Variants in TGM2 observed in about 807,000 individuals in gnomAD.
TGM2 encodes the protein protein-glutamine gamma-glutamyltransferase 2.
TGM2 carries 53 observed loss-of-function variants against 75.6 expected under a neutral mutation model. The observed-to-expected ratio is 0.70, with a 90% confidence interval of 0.56 to 0.88. The LOEUF (loss-of-function observed/expected upper bound fraction) is 0.88, where lower values mean the gene tolerates loss of function less well. TGM2 is among the 40% of genes least tolerant of loss of function. The pLI is 0.00. For synonymous variants in TGM2, 374 were observed against 381.1 expected (o/e 0.98, Z 0.22); for missense variants, 842 against 928.5 (o/e 0.91, Z 1.21).
chr20:38,156,190 G>C lies in TGM2; in HGVS notation c.191-101C>G. ...CAGCTTGGGCTCCAGGCCTAGTTCTGCCACTAACCACTGAAATAAGTTTGG... is the reference window on the plus strand; with the variant it reads ...CAGCTTGGGCTCCAGGCCTAGTTCTCCCACTAACCACTGAAATAAGTTTGG... On this transcript the variant is annotated intron_variant, in intron 2 of 12. Coordinates refer to ENST00000361475, the MANE Select transcript of TGM2 (RefSeq NM_004613.4). 3 of 1,396,494 alleles carry C rather than the reference G, an allele frequency of 2.1e-6. No homozygotes were observed. The South Asian group carries it at 4.0e-5, about 18-fold the overall frequency. The allele number at this position is 1,396,494 out of a possible 1,614,324, so 86.5% of individuals were successfully genotyped here.
At chr20:38,137,382 G>A (rs6068900) in intron 10 of TGM2, among the ~76,000 whole-genome samples, 2 of 152,178 alleles carry the variant, frequency 1.3e-5, no homozygotes, top group South Asian at 2.1e-4. Flanking sequence ...CTACTTGGGA[G>A]GCTGAGATTG....
chr20:38,132,281 G>T, intron 11 of TGM2, 59 bp downstream of exon 11: 5 of 1,588,902 alleles, frequency 3.1e-6, no homozygotes, highest in Non-Finnish European at 4.3e-6. Context: ...GTAGGGATCT[G>T]CCCTCTCCCC....
At chr20:38,131,254 T>G in intron 11 of TGM2, 25 bp from the exon 12 acceptor site, 1 of 1,613,084 alleles carries the variant, frequency 6.2e-7, no homozygotes, top group Non-Finnish European at 8.5e-7. Context: ...GGGGCAGATG[T>G]CAAGGGCAGG....
rs369157574 is a variant in TGM2, at chr20:38,148,024, G to A, written c.618C>T (p.Asn206=). The A allele has an allele frequency of 4.0e-5, 64 of 1,613,648 alleles. No homozygotes were observed. The highest frequency in any genetic ancestry group is 1.7e-4 in the Middle Eastern group (1 of 5,944). Residue 206 remains asparagine (N), a synonymous_variant, in exon 5 of 13, where the codon AAC becomes AAT. Coordinates refer to ENST00000361475, the MANE Select transcript of TGM2 (RefSeq NM_004613.4). ...TGCGGCGGGAGCAGTCACGGCCGGC[G>A]TTCTTCAGGAACTTGGGGTTGACAT... ...LLDVNPKFLK[N]AGRDCSRRSS...
intron 4 of TGM2, 131 bp downstream of exon 4, chr20:38,150,808 C>T (rs1409870406): frequency 1.1e-5 from 9 of 805,294 alleles, no homozygotes; most frequent in East Asian, 2.5e-5. Context: ...AGGGCCTTTG[C>T]ATCCCTGACA....
At chr20:38,139,018 G>A (rs559197093) in intron 9 of TGM2, among the ~76,000 whole-genome samples, 60 of 152,334 alleles carry the variant, frequency 3.9e-4, no homozygotes, top group African/African-American at 1.1e-3. Flanking sequence ...GAAAGTCAGT[G>A]AGGGTCAGGC....
At chr20:38,164,222 C>G (rs1321007088) in intron 1 of TGM2, among the ~76,000 whole-genome samples, 3 of 152,206 alleles carry the variant, frequency 2.0e-5, no homozygotes, top group Non-Finnish European at 4.4e-5. Context: ...GATCACACAG[C>G]AGGGTCAGGT....
At chr20:38,167,689 GGCTCACCACCA>G (rs2075322009), upstream of TGM2, among the ~76,000 whole-genome samples, 1 of 152,142 alleles carries the variant, frequency 6.6e-6, no homozygotes, top group Non-Finnish European at 1.5e-5. Context: ...CATGGTGCCT[GGCTCACCACCA>G]GCCCCCAAAA....
intron 2 of TGM2, among the ~76,000 whole-genome samples, chr20:38,157,975 C>G (rs2075208021): frequency 6.6e-6 from 1 of 152,222 alleles, no homozygotes; most frequent in South Asian, 2.1e-4. Context: ...GATTTGGAAA[C>G]TGAGGTTGAG....
chr20:38,129,878 G>T lies in TGM2; in HGVS notation c.*341C>A. ...GCCTGCTCCAAGGAGCTATGAAGTA[G>T]ATCAAACAATATGGTGGGTGGTCAA... On this transcript the variant is annotated 3_prime_UTR_variant, in exon 13 of 13. Transcript: ENST00000361475. 1 of 336,756 alleles carries T rather than the reference G, an allele frequency of 3.0e-6. No individual in the cohort carries two copies. Among genetic ancestry groups the T allele is most frequent in the South Asian group, 3.5e-5 (1 of 28,868 alleles). The allele number at this position is 336,756 out of a possible 1,614,324, so 20.9% of individuals were successfully genotyped here.
upstream of TGM2, among the ~76,000 whole-genome samples, chr20:38,167,152 AC>A (rs903964797): frequency 2.6e-5 from 4 of 152,142 alleles, no homozygotes; most frequent in Non-Finnish European, 1.5e-5. Context: ...GTATCCCAGC[AC>A]CTGGCTATTT....
chr20:38,137,763 G>T (rs1050426971), intron 10 of TGM2, among the ~76,000 whole-genome samples: 12 of 152,220 alleles, frequency 7.9e-5, no homozygotes, highest in Non-Finnish European at 2.9e-5. Context: ...GCAGCAGAGG[G>T]TCTGTGAAAG....
chr20:38,138,385 C>G lies in TGM2; in HGVS notation c.1343G>C (p.Gly448Ala). Residue 448 changes from glycine to alanine, a missense_variant and splice_region_variant, in exon 10 of 13, where the codon GGG (glycine) becomes GCG (alanine). By Grantham distance (60) the Gly-to-Ala change is moderately conservative. Transcript: ENST00000361475. ...DITHTYKYPE[G>A]SSEEREAFTR... ...GAAGGCCTCCCTCTCCTCTGAGGAC[C>G]CTGTAGGGGTTGAGAAGAGAGCCTC... is the stretch of plus-strand genomic sequence containing the variant. 1 of 1,613,808 alleles carries G rather than the reference C, an allele frequency of 6.2e-7. No homozygotes were observed.
At position 38,130,770 on chromosome 20, in the gene TGM2, T is replaced by A. The variant is rs188582009; in HGVS notation, c.1913+323A>T. ...CTATGTGGAAACACCCACGCATGCA[T>A]ATGTGTGTGCATGCTCATGTGTGGA... On this transcript the variant is annotated intron_variant, in intron 12 of 12. Coordinates refer to ENST00000361475, the MANE Select transcript of TGM2 (RefSeq NM_004613.4). Among the ~76,000 whole-genome samples the A allele has an allele frequency of 2.2e-3, 340 of 152,338 alleles. 2 individuals carry two copies. Among genetic ancestry groups the A allele is most frequent in the Non-Finnish European group, 4.0e-3 (271 of 68,022 alleles).
upstream of TGM2, among the ~76,000 whole-genome samples, chr20:38,166,180 G>C (rs45600631): frequency 7.5e-6 from 1 of 133,118 alleles, no homozygotes; most frequent in Non-Finnish European, 1.7e-5. Flanking sequence ...ATAATCCTCC[G>C]ATCTCACCCA....
In TGM2 at chr20:38,132,472, A is replaced by G. The variant is rs772678663; in HGVS notation, c.1644T>C (p.Tyr548=). ...SEKSVPLCIL[Y]EKYRDCLTES... Reference sequence around the variant, plus strand: ...CCGTAAGGCAGTCACGGTATTTCTCATAGAGGATGCAAAGAGGAACGCTCT... The same window carrying G: ...CCGTAAGGCAGTCACGGTATTTCTCGTAGAGGATGCAAAGAGGAACGCTCT... The change falls in exon 11 of 13, where the codon TAT becomes TAC. Residue 548 remains tyrosine, a synonymous_variant. Coordinates refer to ENST00000361475, the MANE Select transcript of TGM2 (RefSeq NM_004613.4). 6.2e-7 allele frequency: 1 copy of G among 1,611,398 alleles called. No homozygotes were observed. Among genetic ancestry groups the G allele is most frequent in the South Asian group, 1.1e-5 (1 of 91,020 alleles).
intron 3 of TGM2, among the ~76,000 whole-genome samples, chr20:38,151,396 C>T (rs900868924): frequency 6.6e-6 from 1 of 152,096 alleles, no homozygotes. Context: ...AACTAAGGCT[C>T]AGGAATATTT....
Position 38,139,589 on chromosome 20 carries a change from C to G in TGM2, c.1165G>C (p.Asp389His). ...IKEGDLSTKY[D>H]APFVFAEVNA... ...ACCTCCGCAAAGACAAAGGGCGCAT[C>G]GTACTTGGTGCTCAGGTCGCCCTCC... Residue 389 changes from aspartate to histidine, a missense_variant, in exon 9 of 13, where the codon GAT (aspartate) becomes CAT (histidine). Physicochemically the swap from Asp to His is moderately conservative, Grantham distance 81. Transcript: ENST00000361475. The G allele has an allele frequency of 1.9e-6, 3 of 1,614,196 alleles. No homozygotes were observed. The highest frequency in any genetic ancestry group is 2.5e-6 in the Non-Finnish European group (3 of 1,180,040).
chr20:38,148,793 A>C (rs2075077957), intron 4 of TGM2, among the ~76,000 whole-genome samples: 1 of 152,162 alleles, frequency 6.6e-6, no homozygotes, highest in Non-Finnish European at 1.5e-5. Flanking sequence ...TGCTCTCTGC[A>C]GGGCTCACAC....
Sources: gnomAD v4.1 joint callset for allele counts (sites outside exome capture counted in the v4.1 genomes callset) on GRCh38, gnomAD v4.1.1 for gene constraint, MANE v1.5 for transcripts, NCBI Gene and HGNC (gene_info 2026-07-23, HGNC 2026-07-21) for gene names.